FNDC11: variants seen among roughly 807,000 people sequenced by gnomAD.
FNDC11 encodes the protein fibronectin type III domain containing 11, also known as fibronectin type III domain-containing protein 11.
FNDC11 carries 15 observed loss-of-function variants against 15.8 expected under a neutral mutation model. That is an observed-to-expected ratio of 0.95 (90% confidence interval 0.63 to 1.46). The LOEUF is 1.46. FNDC11 is among the 40% of genes most tolerant of loss of function. The probability of loss-of-function intolerance (pLI) is 0.00; values close to 1 mark genes in which losing one functional copy is unlikely to be tolerated. For synonymous variants in FNDC11, 190 were observed against 203.1 expected (o/e 0.94, Z 0.55); for missense variants, 416 against 443.4 (o/e 0.94, Z 0.55).
At chr20:63,555,596 T>C in intron 1 of FNDC11, 58 bp from the exon 2 acceptor site, 3 of 1,508,752 alleles carry the variant, frequency 2.0e-6, no homozygotes. Context: ...CCCCCGAACA[T>C]GCCACAGCCC....
In FNDC11 at chr20:63,556,435, T is replaced by A. The variant is rs2082814774; in HGVS notation, c.772T>A (p.Cys258Ser). 1 of 1,613,402 alleles carries A rather than the reference T, an allele frequency of 6.2e-7. No homozygotes were observed. Among genetic ancestry groups the A allele is most frequent in the Middle Eastern group, 1.6e-4 (1 of 6,062 alleles). ...GCGGACACAGCAGGAGTGCGCCCAG[T>A]GTGGCGTCATCCCCGTGGCTGCCTG... ...DPRTQQECAQCGVIPVAACTF... is the reference protein window; with the variant it reads ...DPRTQQECAQSGVIPVAACTF... Residue 258 changes from cysteine to serine, a missense_variant, in exon 2 of 2, where the codon TGT becomes AGT. Cys to Ser is a moderately radical substitution (Grantham distance 112). Transcript: ENST00000370097.
chr20:63,556,213 G>T lies in FNDC11; in HGVS notation c.550G>T (p.Val184Phe), dbSNP rs200355037. ...CATGATGGTGCCGGGGCGGCTACAC[G>T]TCAAGCACCGCCTGGTGTCTGATGT... is the stretch of plus-strand genomic sequence containing the variant. ...LTMMVPGRLH[V>F]KHRLVSDVSA... Residue 184 changes from valine to phenylalanine, a missense_variant, in exon 2 of 2, where the codon GTC (valine) becomes TTC (phenylalanine). Physicochemically the swap from Val to Phe is conservative, Grantham distance 50 (BLOSUM62 -1). Transcript: ENST00000370097. 1 of 1,594,862 alleles carries T rather than the reference G, an allele frequency of 6.3e-7. No individual in the cohort carries two copies. Among genetic ancestry groups the T allele is most frequent in the Non-Finnish European group, 8.6e-7 (1 of 1,167,432 alleles).
Position 63,555,836 on chromosome 20 carries a change from C to T in FNDC11, c.173C>T (p.Pro58Leu), listed in dbSNP as rs143932195. 12 of 1,613,262 alleles carry T rather than the reference C, an allele frequency of 7.4e-6. No individual in the cohort carries two copies. The highest frequency in any genetic ancestry group is 2.2e-5 in the East Asian group (1 of 44,896). Residue 58 changes from proline (P) to leucine (L), a missense_variant, in exon 2 of 2, where the codon CCG (proline) becomes CTG (leucine). Physicochemically the swap from Pro to Leu is moderately conservative, Grantham distance 98. Transcript: ENST00000370097. ...LREFLTSDLS[P>L]HLLKRHHARM... is the part of the protein sequence containing the mutation. ...GAGTTCCTGACCTCGGACCTGAGTC[C>T]GCACCTGCTCAAGCGCCACCACGCC...
upstream of FNDC11, chr20:63,553,243 G>A (rs2082774153): frequency 6.5e-6 from 1 of 153,272 alleles, no homozygotes; most frequent in Admixed American, 6.5e-5. Context: ...GATGGCCTCA[G>A]AGCTCCCCTG....
chr20:63,556,497 C>A lies in FNDC11; in HGVS notation c.834C>A (p.Ser278=), dbSNP rs1426916897. 6.2e-6 allele frequency: 10 copies of A among 1,613,524 alleles called. No homozygotes were observed. Among genetic ancestry groups the A allele is most frequent in the Non-Finnish European group, 8.5e-6 (10 of 1,179,988 alleles). The change falls in exon 2 of 2, where the codon TCC becomes TCA. Residue 278 remains serine (S), a synonymous_variant. Coordinates refer to ENST00000370097, the MANE Select transcript of FNDC11 (RefSeq NM_001319152.2). ...FDVRNLLPNR[S]YKFTIKRAET... is the part of the protein sequence containing the mutation. ...TCCGAAACCTGCTGCCCAACCGATC[C>A]TATAAGTTCACCATCAAGAGGGCCG...
chr20:63,555,856 C>A lies in FNDC11; in HGVS notation c.193C>A (p.His65Asn). Residue 65 changes from histidine to asparagine, a missense_variant, in exon 2 of 2, where the codon CAC becomes AAC. His to Asn is a moderately conservative substitution (Grantham distance 68). Coordinates refer to ENST00000370097, the MANE Select transcript of FNDC11 (RefSeq NM_001319152.2). ...DLSPHLLKRH[H>N]ARMQLLRKCS... is the part of the protein sequence containing the mutation. ...GAGTCCGCACCTGCTCAAGCGCCAC[C>A]ACGCCCGCATGCAGCTGCTGCGTAA... 6.2e-7 allele frequency: 1 copy of A among 1,613,114 alleles called. No homozygotes were observed. Among genetic ancestry groups the A allele is most frequent in the Non-Finnish European group, 8.5e-7 (1 of 1,179,950 alleles).
In FNDC11 at chr20:63,556,062, C is replaced by G. The variant is rs1344369206; in HGVS notation, c.399C>G (p.Leu133=). The part of the protein sequence containing the change: ...LLLLGDLLEQ[L]DHGRAELDAL... Reference sequence around the variant, plus strand: ...TGCTCGGGGACCTGTTGGAACAGCTCGACCATGGCCGTGCTGAGCTGGATG... The same window carrying G: ...TGCTCGGGGACCTGTTGGAACAGCTGGACCATGGCCGTGCTGAGCTGGATG... The change falls in exon 2 of 2, where the codon CTC becomes CTG. Residue 133 remains leucine, a synonymous_variant. Coordinates refer to ENST00000370097, the MANE Select transcript of FNDC11 (RefSeq NM_001319152.2). 5 of 1,599,824 alleles carry G rather than the reference C, an allele frequency of 3.1e-6. 1 individual carries two copies. In the South Asian group the frequency reaches 4.4e-5, roughly 14 times the overall value.
intron 1 of FNDC11, 37 bp downstream of exon 1, chr20:63,554,243 G>T: frequency 6.5e-6 from 1 of 153,398 alleles, no homozygotes; most frequent in South Asian, 1.8e-4. Context: ...GGCGGGGGCC[G>T]GGAGAGGAGG....
chr20:63,553,545 G>A (rs1348523161), upstream of FNDC11, among the ~76,000 whole-genome samples: 1 of 145,328 alleles, frequency 6.9e-6, no homozygotes, highest in Non-Finnish European at 1.5e-5. Flanking sequence ...GAGGGGCCGT[G>A]GTGGGGGGAG....
upstream of FNDC11, among the ~76,000 whole-genome samples, chr20:63,553,357 A>C (rs76793034): frequency 4.7e-5 from 5 of 106,238 alleles, no homozygotes; most frequent in Admixed American, 5.9e-4. Context: ...AGGAGCCTGT[A>C]GTGGGAGGAG....
chr20:63,554,793 A>G (rs2082792717), intron 1 of FNDC11: 1 of 152,388 alleles, frequency 6.6e-6, no homozygotes, highest in African/African-American at 2.4e-5. Flanking sequence ...TGGGTCGTCC[A>G]AGGCCCAAGT....
Position 63,555,606 on chromosome 20 carries a change from C to T in FNDC11, c.-10-48C>T. 4 of 1,540,688 alleles carry T rather than the reference C, an allele frequency of 2.6e-6. No homozygotes were observed. In the South Asian group the frequency reaches 5.0e-5, roughly 19 times the overall value. Reference sequence around the variant, plus strand: ...TCCATCCCCCGAACATGCCACAGCCCAGGGGAGGCCAGCCTGCCTGGCAGC... The same window carrying T: ...TCCATCCCCCGAACATGCCACAGCCTAGGGGAGGCCAGCCTGCCTGGCAGC... On this transcript the variant is annotated intron_variant, in intron 1 of 1. Coordinates refer to ENST00000370097, the MANE Select transcript of FNDC11 (RefSeq NM_001319152.2).
chr20:63,554,556 A>C (rs536949573), intron 1 of FNDC11: 2 of 152,308 alleles, frequency 1.3e-5, no homozygotes, highest in African/African-American at 4.8e-5. Flanking sequence ...CTCCAGCAAG[A>C]GCAGGGCTTA....
chr20:63,556,211 A>G lies in FNDC11; in HGVS notation c.548A>G (p.His183Arg). 6.3e-7 allele frequency: 1 copy of G among 1,595,156 alleles called. No homozygotes were observed. Among genetic ancestry groups the G allele is most frequent in the Non-Finnish European group, 8.6e-7 (1 of 1,167,418 alleles). ...FLTMMVPGRL[H>R]VKHRLVSDVS... is the part of the protein sequence containing the mutation. ...ACCATGATGGTGCCGGGGCGGCTAC[A>G]CGTCAAGCACCGCCTGGTGTCTGAT... The change falls in exon 2 of 2, where the codon CAC (histidine) becomes CGC (arginine). Residue 183 changes from histidine (H) to arginine (R), a missense_variant. Coordinates refer to ENST00000370097, the MANE Select transcript of FNDC11 (RefSeq NM_001319152.2).
chr20:63,556,534 C>G lies in FNDC11; in HGVS notation c.871C>G (p.Leu291Val). 1 of 1,613,612 alleles carries G rather than the reference C, an allele frequency of 6.2e-7. No individual in the cohort carries two copies. Among genetic ancestry groups the G allele is most frequent in the Non-Finnish European group, 8.5e-7 (1 of 1,180,038 alleles). ...FTIKRAETST[L>V]VYEPWRDSLT... ...CATCAAGAGGGCCGAGACCTCCACG[C>G]TGGTGTACGAGCCCTGGAGGGACAG... is the stretch of plus-strand genomic sequence containing the variant. The change falls in exon 2 of 2, where the codon CTG (leucine) becomes GTG (valine). Residue 291 changes from leucine (L) to valine (V), a missense_variant. By Grantham distance (32) the Leu-to-Val change is conservative. Transcript: ENST00000370097.
Position 63,555,955 on chromosome 20 carries a change from G to T in FNDC11, c.292G>T (p.Ala98Ser). The change falls in exon 2 of 2, where the codon GCC becomes TCC. Residue 98 changes from alanine (A) to serine (S), a missense_variant. By Grantham distance (99) the Ala-to-Ser change is moderately conservative. Coordinates refer to ENST00000370097, the MANE Select transcript of FNDC11 (RefSeq NM_001319152.2). ...CCAGAACCCGCTGGTGCTGCCTAGC[G>T]CCTTGTTCCAGCTCATCGACCCCTG... ...GDQNPLVLPSALFQLIDPWKF... is the reference protein window; with the variant it reads ...GDQNPLVLPSSLFQLIDPWKF... 1.9e-6 allele frequency: 3 copies of T among 1,602,730 alleles called. No homozygotes were observed. The highest frequency in any genetic ancestry group is 2.5e-6 in the Non-Finnish European group (3 of 1,179,946).
At chr20:63,554,047 G>A (rs1338730920), upstream of FNDC11, 2 of 152,218 alleles carry the variant, frequency 1.3e-5, no homozygotes, top group African/African-American at 4.8e-5. Flanking sequence ...AGGAAGCGAA[G>A]CGGATGGAAG....
At position 63,555,741 on chromosome 20, in the gene FNDC11, G is replaced by A. The variant is rs775082377; in HGVS notation, c.78G>A (p.Glu26=). 2.5e-6 allele frequency: 4 copies of A among 1,613,202 alleles called. No homozygotes were observed. In the African/African-American group the frequency reaches 4.0e-5, roughly 16 times the overall value. The change falls in exon 2 of 2, where the codon GAG becomes GAA. Residue 26 remains glutamate (E), a synonymous_variant. Coordinates refer to ENST00000370097, the MANE Select transcript of FNDC11 (RefSeq NM_001319152.2). ...GNPQSFLDQE[E]ADDQQLLEPE... ...CCCAGTCCTTCCTGGACCAGGAGGA[G>A]GCAGATGACCAGCAGCTGCTGGAAC...
upstream of FNDC11, among the ~76,000 whole-genome samples, chr20:63,553,454 T>C (rs1158243569): frequency 2.6e-4 from 27 of 102,812 alleles, no homozygotes; most frequent in East Asian, 9.1e-3. Context: ...GAGCCTGTGG[T>C]GGGAAGACCC....
Sources: gnomAD v4.1 joint callset for allele counts (sites outside exome capture counted in the v4.1 genomes callset) on GRCh38, gnomAD v4.1.1 for gene constraint, MANE v1.5 for transcripts, NCBI Gene and HGNC (gene_info 2026-07-23, HGNC 2026-07-21) for gene names.